The following POLR3A variants were observed in gnomAD, a reference collection of about 807,000 sequenced individuals.
POLR3A encodes the protein RNA polymerase III subunit A.
Under a neutral mutation model 152.8 loss-of-function variants are expected in POLR3A, and 112 were observed. That is an observed-to-expected ratio of 0.73 (90% CI 0.63 to 0.86). The LOEUF is 0.86. POLR3A is among the 40% of genes least tolerant of loss of function. POLR3A has a pLI of 0.00. For missense variants in POLR3A, 1,385 were observed against 1,743.1 expected, an observed-to-expected ratio of 0.79 and a Z score of 3.66; for synonymous variants, 615 against 652.1, an observed-to-expected ratio of 0.94 and a Z score of 0.87.
chr10:78,007,884 T>C lies in POLR3A; in HGVS notation c.1910-18A>G. On this transcript the variant is annotated intron_variant, in intron 14 of 30. Coordinates refer to ENST00000372371, the MANE Select transcript of POLR3A (RefSeq NM_007055.4). Reference sequence around the variant, plus strand: ...TGTAACATCTGGAAGAATGATTATATATTTAGACAACAATTATTTATTACT... The same window carrying C: ...TGTAACATCTGGAAGAATGATTATACATTTAGACAACAATTATTTATTACT... 2 of 1,604,324 alleles carry C rather than the reference T, an allele frequency of 1.2e-6. No individual in the cohort carries two copies. The highest frequency in any genetic ancestry group is 1.7e-6 in the Non-Finnish European group (2 of 1,171,114).
chr10:77,981,581 CA>C, intron 28 of POLR3A, 22 bp from the exon 29 acceptor site: 4 of 1,613,774 alleles, frequency 2.5e-6, no homozygotes, highest in Non-Finnish European at 3.4e-6. Flanking sequence ...CAGTAATGAG[CA>C]GAAGCAGCCC....
chr10:77,981,525 G>T lies in POLR3A; in HGVS notation c.3794C>A (p.Thr1265Lys). ...EKTLGIEAAR[T>K]TIINEIQYTM... ...GTACTGGATTTCATTGATGATCGTT[G>T]TCCGGGCGGCCTCGATGCCCAGAGT... Residue 1265 changes from threonine to lysine, a missense_variant, in exon 29 of 31, where the codon ACA (threonine) becomes AAA (lysine). Physicochemically the swap from Thr to Lys is moderately conservative, Grantham distance 78. This residue lies in a region of POLR3A where 332 missense variants were observed against 400.1 expected (regional missense o/e 0.83). Coordinates refer to ENST00000372371, the MANE Select transcript of POLR3A (RefSeq NM_007055.4). 5 of 1,613,998 alleles carry T rather than the reference G, an allele frequency of 3.1e-6. No individual in the cohort carries two copies. The highest frequency in any genetic ancestry group is 3.4e-6 in the Non-Finnish European group (4 of 1,179,928).
At chr10:78,008,377 T>C (rs1367412673) in intron 14 of POLR3A, among the ~76,000 whole-genome samples, 2 of 152,176 alleles carry the variant, frequency 1.3e-5, no homozygotes, top group South Asian at 2.1e-4. Context: ...AGAGAGCATA[T>C]TTCCAAAGAA....
rs764753115 is a variant in POLR3A at position 77,982,726 on chromosome 10, C to G, written c.3521G>C (p.Cys1174Ser). The stretch of plus-strand genomic sequence containing the variant: ...CTTGCTGTTCTCTCTGGGGGTGACA[C>G]ACACCACAGCCTCACCATGAACAGC... Reference protein sequence around the residue: ...DVAVHGEAVVCVTPRENSKSS... With the variant: ...DVAVHGEAVVSVTPRENSKSS... Residue 1174 changes from cysteine to serine, a missense_variant, in exon 27 of 31, where the codon TGT (cysteine) becomes TCT (serine). Transcript: ENST00000372371. 1.9e-6 allele frequency: 3 copies of G among 1,613,814 alleles called. No homozygotes were observed. Among genetic ancestry groups the G allele is most frequent in the East Asian group, 2.2e-5 (1 of 44,882 alleles).
intron 30 of POLR3A, among the ~76,000 whole-genome samples, chr10:77,978,886 ACTC>A (rs2131924406): frequency 6.8e-6 from 1 of 146,814 alleles, no homozygotes; most frequent in South Asian, 2.2e-4. Flanking sequence ...TTGGTCTTGA[ACTC>A]CTGACCTCGT....
chr10:78,028,255 T>C (rs896361466), intron 1 of POLR3A, among the ~76,000 whole-genome samples: 4 of 152,208 alleles, frequency 2.6e-5, no homozygotes, highest in Admixed American at 2.6e-4. Context: ...TGCTTCCTTC[T>C]GATCACCTGT....
At chr10:78,024,480 T>A in intron 5 of POLR3A, 69 bp downstream of exon 5, 5 of 1,521,274 alleles carry the variant, frequency 3.3e-6, no homozygotes, top group Non-Finnish European at 4.5e-6. Flanking sequence ...GGGGAGAGAG[T>A]GTGCATGTGA....
At chr10:78,027,644 G>A (rs1465799769) in intron 1 of POLR3A, among the ~76,000 whole-genome samples, 1 of 151,988 alleles carries the variant, frequency 6.6e-6, no homozygotes, top group Non-Finnish European at 1.5e-5. Context: ...TCTGCCTCCT[G>A]GGTTCAAGCG....
chr10:77,992,590 G>T (rs191558385), intron 20 of POLR3A, among the ~76,000 whole-genome samples: 337 of 151,586 alleles, frequency 2.2e-3, no homozygotes, highest in African/African-American at 7.5e-3. Flanking sequence ...TTATAGGCAC[G>T]TACCACCACA....
At chr10:78,026,355 T>A in intron 1 of POLR3A, 126 bp from the exon 2 acceptor site, 1 of 883,570 alleles carries the variant, frequency 1.1e-6, no homozygotes, top group Non-Finnish European at 1.8e-6. Flanking sequence ...CTACCAGTAT[T>A]AAATATATTT....
At chr10:78,017,081 TAA>T (rs1477783850) in intron 10 of POLR3A, among the ~76,000 whole-genome samples, 2 of 151,984 alleles carry the variant, frequency 1.3e-5, no homozygotes, top group East Asian at 1.9e-4. Flanking sequence ...AGCTTGAAAT[TAA>T]AAAGTTTCAC....
chr10:78,006,451 T>C (rs1014386218), intron 15 of POLR3A, among the ~76,000 whole-genome samples: 1 of 138,504 alleles, frequency 7.2e-6, no homozygotes, highest in African/African-American at 2.7e-5. Context: ...TGAATAAGTA[T>C]ATTGAAAAAT....
intron 17 of POLR3A, among the ~76,000 whole-genome samples, 172 bp downstream of exon 17, chr10:78,002,025 T>C (rs1847362157): frequency 6.6e-6 from 1 of 152,162 alleles, no homozygotes; most frequent in African/African-American, 2.4e-5. Context: ...ACAAGTTCCT[T>C]CAAAGCAGTT....
rs1192584541 is a variant in POLR3A, at chr10:78,025,158, C to G, written c.319-16G>C. 9 of 1,613,778 alleles carry G rather than the reference C, an allele frequency of 5.6e-6. No individual in the cohort carries two copies. The highest frequency in any genetic ancestry group is 7.6e-6 in the Non-Finnish European group (9 of 1,179,682). On this transcript the variant is annotated splice_polypyrimidine_tract_variant and intron_variant, in intron 3 of 30. Transcript: ENST00000372371. ...TGCAGATCATCTTTTTCAAATTAAG[C>G]AAGACAGATAAAAGCATAAGTGAGA...
rs1373192837 is a variant in POLR3A at position 77,979,544 on chromosome 10, A to T, written c.4024+597T>A. 3.3e-5 allele frequency among the ~76,000 whole-genome samples: 5 copies of T among 152,332 alleles called. No individual in the cohort carries two copies. In the East Asian group the frequency reaches 9.6e-4, roughly 29 times the overall value. On this transcript the variant is annotated intron_variant, in intron 30 of 30. Coordinates refer to ENST00000372371, the MANE Select transcript of POLR3A (RefSeq NM_007055.4). ...CTCCCCCAGGCCAGCACAGCCCCAT[A>T]AAGCCATGTTTTGTCGAGTGGCGGG...
At chr10:78,025,991 A>AGG in intron 2 of POLR3A, 103 bp downstream of exon 2, 1 of 1,416,502 alleles carries the variant, frequency 7.1e-7, no homozygotes, top group East Asian at 2.3e-5. Context: ...GCAGGGGGGA[A>AGG]TTGAGGAGAT....
intron 21 of POLR3A, among the ~76,000 whole-genome samples, chr10:77,990,419 A>T (rs1188883459): frequency 6.6e-6 from 1 of 152,180 alleles, no homozygotes; most frequent in East Asian, 1.9e-4. Context: ...GGCTCACAAG[A>T]TAGAGTAGGT....
rs1847086443 is a variant in POLR3A at position 77,976,109 on chromosome 10, A to G, written c.*1369T>C. 6.6e-6 allele frequency: 1 copy of G among 151,964 alleles called. No homozygotes were observed. The highest frequency in any genetic ancestry group is 1.9e-4 in the East Asian group (1 of 5,170). The allele number at this position is 151,964 out of a possible 1,614,324, so 9.4% of individuals were successfully genotyped here. On this transcript the variant is annotated 3_prime_UTR_variant, in exon 31 of 31. Coordinates refer to ENST00000372371, the MANE Select transcript of POLR3A (RefSeq NM_007055.4). ...CAAACTATAATTTTTTATAAAAACTAATTTTTTTTTACGCTTAATTTTTTT... is the reference window on the plus strand; with the variant it reads ...CAAACTATAATTTTTTATAAAAACTGATTTTTTTTTACGCTTAATTTTTTT...
chr10:77,987,669 T>C (rs1847210500), intron 21 of POLR3A, among the ~76,000 whole-genome samples: 1 of 152,226 alleles, frequency 6.6e-6, no homozygotes. Flanking sequence ...CCTAGCCCCA[T>C]TCTATCCTAA....
Sources: gnomAD v4.1 joint callset for allele counts (sites outside exome capture counted in the v4.1 genomes callset) on GRCh38, gnomAD v4.1.1 for gene constraint, gnomAD v4.1.1 regional missense constraint, MANE v1.5 for transcripts, NCBI Gene and HGNC (gene_info 2026-07-23, HGNC 2026-07-21) for gene names.